The following UBE3D variants were observed in gnomAD, a reference collection of about 807,000 sequenced individuals.
UBE3D encodes ubiquitin protein ligase E3D, also known as E3 ubiquitin-protein ligase E3D.
A neutral mutation model predicts 49.6 loss-of-function variants in UBE3D; 48 were observed. That is an observed-to-expected ratio of 0.97 (90% CI 0.77 to 1.23). The LOEUF is 1.23. Among genes scored for constraint, UBE3D ranks in the 50% most tolerant of loss-of-function variants. UBE3D has a pLI of 0.00. For synonymous variants in UBE3D, 189 were observed against 174.2 expected, an observed-to-expected ratio of 1.08 and a Z score of -0.67; for missense variants, 452 against 468.4, an observed-to-expected ratio of 0.96 and a Z score of 0.32.
In UBE3D at chr6:83,057,880, C is replaced by T. The variant is rs1244925086; in HGVS notation, c.220G>A (p.Val74Ile). ...VPSSCRGLQF[V>I]VGDGLHLRLQ... ...CGCAGGTGCAGTCCATCTCCAACAA[C>T]AAACTGTAGCCCACGGCAAGAGGAA... is the stretch of plus-strand genomic sequence containing the variant. Residue 74 changes from valine (V) to isoleucine (I), a missense_variant, in exon 2 of 10, where the codon GTT (valine) becomes ATT (isoleucine). Val to Ile is a conservative substitution (Grantham distance 29). Transcript: ENST00000369747. The T allele has an allele frequency of 6.2e-7, 1 of 1,614,192 alleles. No individual in the cohort carries two copies. The highest frequency in any genetic ancestry group is 1.7e-5 in the Admixed American group (1 of 60,022).
At chr6:82,906,100 T>G (rs1772080862) in intron 9 of UBE3D, among the ~76,000 whole-genome samples, 1 of 152,102 alleles carries the variant, frequency 6.6e-6, no homozygotes, top group South Asian at 2.1e-4. Flanking sequence ...TAACCAAATA[T>G]CCTATCAGTG....
chr6:82,935,681 G>T (rs1774517831), intron 9 of UBE3D, among the ~76,000 whole-genome samples: 1 of 152,092 alleles, frequency 6.6e-6, no homozygotes, highest in South Asian at 2.1e-4. Flanking sequence ...AAAGAAAGGA[G>T]ACAGTTTATC....
chr6:82,986,592 T>C (rs1469706805), intron 8 of UBE3D, among the ~76,000 whole-genome samples: 2 of 150,138 alleles, frequency 1.3e-5, no homozygotes, highest in East Asian at 3.9e-4. Flanking sequence ...TTCTGTGTTA[T>C]TGTACATGGG....
chr6:82,987,807 G>GA (rs978692539), intron 8 of UBE3D, among the ~76,000 whole-genome samples: 3 of 152,292 alleles, frequency 2.0e-5, no homozygotes, highest in South Asian at 2.1e-4. Flanking sequence ...TGTAAAAACT[G>GA]AAAACAATTT....
chr6:82,882,165 C>T, the UBE3D span, among the ~76,000 whole-genome samples: 1 of 152,144 alleles, frequency 6.6e-6, no homozygotes, highest in Non-Finnish European at 1.5e-5. Context: ...ATTGGAAAAT[C>T]TTGCACCCTC....
intron 9 of UBE3D, among the ~76,000 whole-genome samples, chr6:82,925,523 G>C (rs1398610637): frequency 6.6e-6 from 1 of 152,098 alleles, no homozygotes; most frequent in Non-Finnish European, 1.5e-5. Context: ...AGGAAACATG[G>C]GGAATCCATC....
intron 7 of UBE3D, among the ~76,000 whole-genome samples, chr6:83,021,965 C>G (rs747898497): frequency 6.6e-6 from 1 of 151,834 alleles, no homozygotes; most frequent in Non-Finnish European, 1.5e-5. Context: ...GTACCTAGTA[C>G]ATAGAGGCAC....
intron 9 of UBE3D, among the ~76,000 whole-genome samples, chr6:82,924,442 A>G (rs1773596181): frequency 6.6e-6 from 1 of 152,196 alleles, no homozygotes; most frequent in African/African-American, 2.4e-5. Flanking sequence ...TTTTTTGTAT[A>G]AAAACTAGAA....
chr6:83,052,051 T>C (rs186823988), intron 3 of UBE3D, among the ~76,000 whole-genome samples: 2 of 152,228 alleles, frequency 1.3e-5, no homozygotes, highest in African/African-American at 2.4e-5. Flanking sequence ...ACAGTAATTA[T>C]AGCAGTAGCT....
chr6:82,989,925 T>G (rs1397993864), intron 8 of UBE3D, among the ~76,000 whole-genome samples: 2 of 152,310 alleles, frequency 1.3e-5, no homozygotes, highest in East Asian at 3.9e-4. Flanking sequence ...AAGGAGCCCT[T>G]TTAGAAACTG....
At chr6:82,942,552 G>C (rs1488109655) in intron 9 of UBE3D, among the ~76,000 whole-genome samples, 1 of 152,202 alleles carries the variant, frequency 6.6e-6, no homozygotes, top group Non-Finnish European at 1.5e-5. Context: ...TTGTGGGCCA[G>C]GCCCAGGCCT....
intron 9 of UBE3D, among the ~76,000 whole-genome samples, chr6:82,905,118 TG>T (rs1772005906): frequency 6.6e-6 from 1 of 152,198 alleles, no homozygotes; most frequent in African/African-American, 2.4e-5. Flanking sequence ...TGAAACTATT[TG>T]GCTGAATAGT....
At chr6:83,059,292 G>A (rs1317686226) in intron 1 of UBE3D, among the ~76,000 whole-genome samples, 1 of 152,158 alleles carries the variant, frequency 6.6e-6, no homozygotes, top group South Asian at 2.1e-4. Flanking sequence ...AGGAGGCTGA[G>A]ATGGGGAGGA....
chr6:83,019,350 G>A (rs1215630079), intron 7 of UBE3D, among the ~76,000 whole-genome samples: 5 of 150,024 alleles, frequency 3.3e-5, no homozygotes, highest in South Asian at 2.1e-4. Flanking sequence ...CAACTGACTC[G>A]GAGAAAATAT....
intron 8 of UBE3D, among the ~76,000 whole-genome samples, chr6:83,011,855 C>T (rs111876349): frequency 7.4e-4 from 112 of 152,170 alleles, no homozygotes; most frequent in African/African-American, 2.5e-3. Context: ...GTGAATGGTG[C>T]CACTTCCACT....
At chr6:82,917,582 G>A (rs1773017101) in intron 9 of UBE3D, among the ~76,000 whole-genome samples, 1 of 152,294 alleles carries the variant, frequency 6.6e-6, no homozygotes, top group Non-Finnish European at 1.5e-5. Context: ...CCTCCCTGGG[G>A]TGATTGTAAT....
At chr6:82,922,364 GA>G (rs1258653531) in intron 9 of UBE3D, among the ~76,000 whole-genome samples, 2 of 152,100 alleles carry the variant, frequency 1.3e-5, no homozygotes, top group Admixed American at 6.5e-5. Context: ...GCCAAGAACA[GA>G]AAAAGGAGAA....
At chr6:82,918,131 T>A (rs1183820539) in intron 9 of UBE3D, among the ~76,000 whole-genome samples, 3 of 152,174 alleles carry the variant, frequency 2.0e-5, no homozygotes, top group Non-Finnish European at 4.4e-5. Flanking sequence ...ACAAACAGAA[T>A]TGAAATGGAT....
chr6:82,940,824 G>A (rs1407570240), intron 9 of UBE3D, among the ~76,000 whole-genome samples: 1 of 152,142 alleles, frequency 6.6e-6, no homozygotes, highest in Non-Finnish European at 1.5e-5. Context: ...TGTCAGTACT[G>A]TGCCCCAGCC....
Sources: gnomAD v4.1 joint callset for allele counts (sites outside exome capture counted in the v4.1 genomes callset) on GRCh38, gnomAD v4.1.1 for gene constraint, MANE v1.5 for transcripts, NCBI Gene and HGNC (gene_info 2026-07-23, HGNC 2026-07-21) for gene names.